IQCH: variants seen among roughly 807,000 people sequenced by gnomAD.
IQCH encodes the protein IQ domain-containing protein H.
IQCH carries 98 observed loss-of-function variants against 117.0 expected under a neutral mutation model. That is an observed-to-expected ratio of 0.84 (90% CI 0.71 to 0.99). The LOEUF (loss-of-function observed/expected upper bound fraction) is 0.99. Among genes scored for constraint, IQCH ranks in the 50% least tolerant of loss-of-function variants. The probability of loss-of-function intolerance (pLI) is 0.00; values close to 1 mark genes in which losing one functional copy is unlikely to be tolerated. For synonymous variants in IQCH, 412 were observed against 448.2 expected, an observed-to-expected ratio of 0.92 and a Z score of 1.02; for missense variants, 1,102 against 1,243.8, an observed-to-expected ratio of 0.89 and a Z score of 1.72.
At position 67,261,927 on chromosome 15, in the gene IQCH, A is replaced by T. The variant is rs1464733276; in HGVS notation, c.174+533A>T. On this transcript the variant is annotated intron_variant, in intron 2 of 20. Coordinates refer to ENST00000335894, the MANE Select transcript of IQCH (RefSeq NM_001031715.3). ...ATGGCGAAACCCTGTCTCTACAAAAATTTTTTAAAAAATTAGCCAGGCATG... is the reference window on the plus strand; with the variant it reads ...ATGGCGAAACCCTGTCTCTACAAAATTTTTTTAAAAAATTAGCCAGGCATG... 7.2e-5 allele frequency among the ~76,000 whole-genome samples: 11 copies of T among 152,130 alleles called. No homozygotes were observed. In the East Asian group the frequency reaches 1.4e-3, roughly 19 times the overall value.
At position 67,479,098 on chromosome 15, in the gene IQCH, C is replaced by T. The variant is rs896387279; in HGVS notation, c.2799+3280C>T. 6.6e-6 allele frequency among the ~76,000 whole-genome samples: 1 copy of T among 152,160 alleles called. No individual in the cohort carries two copies. Among genetic ancestry groups the T allele is most frequent in the South Asian group, 2.1e-4 (1 of 4,836 alleles). On this transcript the variant is annotated intron_variant, in intron 18 of 20. Transcript: ENST00000335894. This position sits in a 1 kb window ranked among gnomAD's most constrained non-coding sequence, Gnocchi z 4.6. Reference sequence around the variant, plus strand: ...GTCCATCCCTGGTCAGGACTCTTCACTTGCTGTCTTAATTGCCTTTTCTTG... The same window carrying T: ...GTCCATCCCTGGTCAGGACTCTTCATTTGCTGTCTTAATTGCCTTTTCTTG...
chr15:67,452,296 G>A (rs1039303018), intron 16 of IQCH, among the ~76,000 whole-genome samples: 1 of 152,182 alleles, frequency 6.6e-6, no homozygotes, highest in South Asian at 2.1e-4. Context: ...TTGCTCGTTA[G>A]TTGATGCAGT....
chr15:67,436,426 A>G lies in IQCH; in HGVS notation c.2505+14849A>G, dbSNP rs2082138119. Among the ~76,000 whole-genome samples, 1 of 152,208 alleles carries G rather than the reference A, an allele frequency of 6.6e-6. No individual in the cohort carries two copies. The highest frequency in any genetic ancestry group is 6.5e-5 in the Admixed American group (1 of 15,284). ...CAGAAAGGCCCTAGGAGCTCACTGC[A>G]TCCCCTAGCAGCCCATTTCTGCCTG... is the stretch of plus-strand genomic sequence containing the variant. On this transcript the variant is annotated intron_variant, in intron 16 of 20. Transcript: ENST00000335894. This position sits in a 1 kb window ranked among gnomAD's most constrained non-coding sequence, Gnocchi z 5.1.
rs776012794 is a variant in IQCH, at chr15:67,395,423, G to A, written c.1765G>A (p.Asp589Asn). ...LLHRDDLAVA[D>N]MLDIPILGSE... is the part of the protein sequence containing the mutation. ...CCACAGAGATGATTTAGCTGTGGCC[G>A]ATATGTTAGACATACCCATCCTGGG... is the stretch of plus-strand genomic sequence containing the variant. The change falls in exon 13 of 21, where the codon GAT (aspartate) becomes AAT (asparagine). Residue 589 changes from aspartate to asparagine, a missense_variant. Physicochemically the swap from Asp to Asn is conservative, Grantham distance 23. Around this residue, in one of 2 missense-constraint regions of IQCH, gnomAD observed 650 missense variants for 794.3 expected, o/e 0.82. Coordinates refer to ENST00000335894, the MANE Select transcript of IQCH (RefSeq NM_001031715.3). The surrounding 1 kb of genome is among the most constrained non-coding windows in gnomAD (Gnocchi z 4.0). The A allele has an allele frequency of 1.7e-5, 27 of 1,613,932 alleles. No homozygotes were observed. Among genetic ancestry groups the A allele is most frequent in the Middle Eastern group, 1.6e-4 (1 of 6,080 alleles).
chr15:67,354,822 CT>C (rs1194028958), intron 6 of IQCH, among the ~76,000 whole-genome samples: 1 of 152,172 alleles, frequency 6.6e-6, no homozygotes, highest in Non-Finnish European at 1.5e-5. Flanking sequence ...ACTTTACCCT[CT>C]TTGGTATGTT....
chr15:67,379,360 C>T (rs1970843383), intron 10 of IQCH, among the ~76,000 whole-genome samples: 1 of 152,218 alleles, frequency 6.6e-6, no homozygotes, highest in Admixed American at 6.5e-5. Context: ...GTGGAATCTA[C>T]AATCATATTA....
chr15:67,326,576 C>T (rs1156712749), intron 4 of IQCH, among the ~76,000 whole-genome samples: 1 of 152,120 alleles, frequency 6.6e-6, no homozygotes, highest in African/African-American at 2.4e-5. Flanking sequence ...AGTTTGCTGT[C>T]CCACCAGCGG....
Position 67,422,265 on chromosome 15 carries a change from C to T in IQCH, c.2505+688C>T, listed in dbSNP as rs979878346. Among the ~76,000 whole-genome samples, 4 of 152,144 alleles carry T rather than the reference C, an allele frequency of 2.6e-5. No individual in the cohort carries two copies. The highest frequency in any genetic ancestry group is 7.2e-5 in the African/African-American group (3 of 41,426). ...AGCCTGTTTTATATAGAAAATCAAT[C>T]ACTAGAAAGGAGTTAAGAGTTCACA... On this transcript the variant is annotated intron_variant, in intron 16 of 20. Coordinates refer to ENST00000335894, the MANE Select transcript of IQCH (RefSeq NM_001031715.3). This position sits in a 1 kb window ranked among gnomAD's most constrained non-coding sequence, Gnocchi z 4.7.
intron 16 of IQCH, among the ~76,000 whole-genome samples, chr15:67,448,862 T>A (rs2082452831): frequency 2.6e-5 from 4 of 152,224 alleles, no homozygotes. Flanking sequence ...AAAGTGTTCC[T>A]ATTTCTCCAC....
At position 67,413,502 on chromosome 15, in the gene IQCH, C is replaced by T. The variant is rs1214014777; in HGVS notation, c.2098-3429C>T. Reference sequence around the variant, plus strand: ...CAAGAATGTCATTTTTCTGACCTTACTTGAATATATGAGCTGCAGGTCCTG... The same window carrying T: ...CAAGAATGTCATTTTTCTGACCTTATTTGAATATATGAGCTGCAGGTCCTG... On this transcript the variant is annotated intron_variant, in intron 14 of 20. Transcript: ENST00000335894. The surrounding 1 kb of genome is among the most constrained non-coding windows in gnomAD (Gnocchi z 5.0). 6.6e-6 allele frequency: 1 copy of T among 152,120 alleles called. No individual in the cohort carries two copies. The highest frequency in any genetic ancestry group is 1.5e-5 in the Non-Finnish European group (1 of 68,016). The allele number at this position is 152,120 out of a possible 1,614,324, so 9.4% of individuals were successfully genotyped here. A position where few individuals can be genotyped will look rare whatever the true frequency, so the allele number is the denominator to read the frequency against.
intron 10 of IQCH, among the ~76,000 whole-genome samples, chr15:67,378,200 G>A (rs916457290): frequency 2.6e-5 from 4 of 151,920 alleles, no homozygotes; most frequent in Non-Finnish European, 4.4e-5. Flanking sequence ...AGCCAACGGC[G>A]TTAGATCTGC....
rs113782436 is a variant in IQCH at position 67,397,843 on chromosome 15, T to A, written c.1906-2271T>A. Among the ~76,000 whole-genome samples the A allele has an allele frequency of 3.3e-3, 503 of 152,316 alleles. 5 individuals carry two copies. Among genetic ancestry groups the A allele is most frequent in the African/African-American group, 0.012 (484 of 41,572 alleles). ...TTTGTTTAGGATTAATTTGTTTAAA[T>A]CTAGCATGAACACAGTGAGCATTTC... is the stretch of plus-strand genomic sequence containing the variant. On this transcript the variant is annotated intron_variant, in intron 13 of 20. Transcript: ENST00000335894.
At chr15:67,350,389 G>A (rs1210533684) in intron 6 of IQCH, among the ~76,000 whole-genome samples, 1 of 152,078 alleles carries the variant, frequency 6.6e-6, no homozygotes, top group Non-Finnish European at 1.5e-5. Flanking sequence ...AAAGGGGCAT[G>A]CAGGAATTTT....
chr15:67,291,246 C>T (rs1401407280), intron 4 of IQCH, among the ~76,000 whole-genome samples: 1 of 152,076 alleles, frequency 6.6e-6, no homozygotes, highest in Non-Finnish European at 1.5e-5. Context: ...GTGATGTAGG[C>T]AGTCTAAAAA....
rs557045932 is a variant in IQCH at position 67,276,172 on chromosome 15, C to A, written c.270-3223C>A. Among the ~76,000 whole-genome samples the A allele has an allele frequency of 3.9e-5, 6 of 152,214 alleles. No homozygotes were observed. The South Asian group carries it at 1.2e-3, about 32-fold the overall frequency. On this transcript the variant is annotated intron_variant, in intron 3 of 20. Coordinates refer to ENST00000335894, the MANE Select transcript of IQCH (RefSeq NM_001031715.3). ...AGAAAAGCAGTGTACAAAATTATATCTCAATTCAATTATCAATATCTAAAT... is the reference window on the plus strand; with the variant it reads ...AGAAAAGCAGTGTACAAAATTATATATCAATTCAATTATCAATATCTAAAT...
At chr15:67,455,043 T>G (rs1386371070) in intron 16 of IQCH, among the ~76,000 whole-genome samples, 3 of 152,234 alleles carry the variant, frequency 2.0e-5, no homozygotes, top group African/African-American at 7.2e-5. Flanking sequence ...GGGTCCCAAT[T>G]TCTCCATATC....
chr15:67,262,184 T>C (rs897034898), intron 2 of IQCH, among the ~76,000 whole-genome samples: 2 of 152,046 alleles, frequency 1.3e-5, no homozygotes, highest in Admixed American at 6.6e-5. Flanking sequence ...ATCAAATGGG[T>C]AAAACTAAAG....
intron 3 of IQCH, among the ~76,000 whole-genome samples, chr15:67,268,950 C>CAAT (rs386383343): frequency 6.7e-6 from 1 of 149,694 alleles, no homozygotes; most frequent in East Asian, 2.0e-4. Context: ...TAAAACATAA[C>CAAT]AAACTGGAAA....
intron 16 of IQCH, among the ~76,000 whole-genome samples, chr15:67,446,520 G>C (rs1313732982): frequency 1.3e-5 from 2 of 152,118 alleles, no homozygotes; most frequent in Non-Finnish European, 2.9e-5. Flanking sequence ...GGCATCAAAG[G>C]GGGCCTGTTT....
Sources: allele counts gnomAD v4.1 joint callset (sites outside exome capture counted in the v4.1 genomes callset), GRCh38; gene constraint gnomAD v4.1.1; regional missense constraint gnomAD v4.1.1; non-coding constraint Gnocchi (gnomAD v3.1); transcripts MANE v1.5; gene names NCBI Gene and HGNC (gene_info 2026-07-23, HGNC 2026-07-21).